ACSL1: variants seen among roughly 807,000 people sequenced by gnomAD.
ACSL1 encodes acyl-CoA synthetase long chain family member 1.
Under a neutral mutation model 98.4 loss-of-function variants are expected in ACSL1, and 41 were observed. The ratio of observed to expected loss-of-function variants is 0.42; its 90% CI spans 0.32 to 0.54. The LOEUF is 0.54. Among genes scored for constraint, ACSL1 ranks in the 20% least tolerant of loss-of-function variants. The probability of loss-of-function intolerance (pLI) is 0.13; values close to 1 mark genes in which losing one functional copy is unlikely to be tolerated. For synonymous variants in ACSL1, 316 were observed against 322.7 expected, an observed-to-expected ratio of 0.98 and a Z score of 0.22; for missense variants, 734 against 883.1, an observed-to-expected ratio of 0.83 and a Z score of 2.14.
Position 184,763,255 on chromosome 4 carries a change from C to T in ACSL1, c.1433G>A (p.Gly478Asp). The T allele has an allele frequency of 1.2e-6, 2 of 1,613,710 alleles. No individual in the cohort carries two copies. Among genetic ancestry groups the T allele is most frequent in the Non-Finnish European group, 1.7e-6 (2 of 1,179,876 alleles). The change falls in exon 16 of 21, where the codon GGC (glycine) becomes GAC (aspartate). Residue 478 changes from glycine (G) to aspartate (D), a missense_variant and splice_region_variant. Gly to Asp is a moderately conservative substitution (Grantham distance 94). Transcript: ENST00000281455. ...GCACGGCATCGGGGCCCCAACATGG[C>T]CTGTATATTAAATAAGCAAATGGTC... ...CLTMPGDWTA[G>D]HVGAPMPCNL...
intron 18 of ACSL1, among the ~76,000 whole-genome samples, chr4:184,759,491 GA>G (rs1011869108): frequency 4.0e-5 from 6 of 151,884 alleles, no homozygotes; most frequent in African/African-American, 1.5e-4. Flanking sequence ...AAATTTACAA[GA>G]AAAAAACAAC....
chr4:184,764,656 C>T (rs1343282768), intron 15 of ACSL1, among the ~76,000 whole-genome samples, 197 bp downstream of exon 15: 1 of 152,184 alleles, frequency 6.6e-6, no homozygotes, highest in Admixed American at 6.5e-5. Flanking sequence ...CCCAGCGCCA[C>T]CCCTCAGTTG....
chr4:184,774,388 GGCTCAAATATCT>G (rs1229747912), intron 7 of ACSL1, among the ~76,000 whole-genome samples: 6 of 152,256 alleles, frequency 3.9e-5, no homozygotes, highest in African/African-American at 1.2e-4. Flanking sequence ...ATTTTGGAGA[GGCTCAAATATCT>G]GCTCAAATAT....
chr4:184,766,095 G>T lies in ACSL1; in HGVS notation c.1264-109C>A. 1.0e-6 allele frequency: 1 copy of T among 969,662 alleles called. No individual in the cohort carries two copies. Among genetic ancestry groups the T allele is most frequent in the Non-Finnish European group, 1.6e-6 (1 of 636,886 alleles). The allele number at this position is 969,662 out of a possible 1,614,324, so 60.1% of individuals were successfully genotyped here. A position where few individuals can be genotyped will look rare whatever the true frequency, so the allele number is the denominator to read the frequency against. On this transcript the variant is annotated intron_variant, in intron 13 of 20. Transcript: ENST00000281455. This position sits in a 1 kb window ranked among gnomAD's most constrained non-coding sequence, Gnocchi z 4.8. Reference sequence around the variant, plus strand: ...CCCCGTTCCCTAACCCATAGCTGCAGACCACACGGAGGCCACACGGAGAAC... The same window carrying T: ...CCCCGTTCCCTAACCCATAGCTGCATACCACACGGAGGCCACACGGAGAAC...
chr4:184,804,809 A>G (rs1003977293), intron 1 of ACSL1, among the ~76,000 whole-genome samples: 1 of 152,166 alleles, frequency 6.6e-6, no homozygotes, highest in African/African-American at 2.4e-5. Context: ...GTGCTCAAAA[A>G]TATTAGATTT....
chr4:184,811,220 C>T (rs13126874), intron 1 of ACSL1, among the ~76,000 whole-genome samples: 12,840 of 152,060 alleles, frequency 0.084, 786 homozygotes, highest in Admixed American at 0.18. Context: ...GCCATTCTCC[C>T]ACCTCAGCCT....
intron 2 of ACSL1, among the ~76,000 whole-genome samples, chr4:184,802,915 C>T (rs1013114101): frequency 4.6e-5 from 7 of 152,202 alleles, no homozygotes; most frequent in African/African-American, 1.2e-4. Flanking sequence ...TTCTAAGCGT[C>T]AGATGTACCA....
chr4:184,790,375 T>TA (rs1214381565), intron 2 of ACSL1, among the ~76,000 whole-genome samples: 1 of 152,260 alleles, frequency 6.6e-6, no homozygotes, highest in Non-Finnish European at 1.5e-5. Context: ...GTCTTTTTTT[T>TA]ATGCTTATAC....
Position 184,776,327 on chromosome 4 carries a change from C to A in ACSL1, c.756+157G>T, listed in dbSNP as rs73874481. Among the ~76,000 whole-genome samples, 705 of 152,350 alleles carry A rather than the reference C, an allele frequency of 4.6e-3. 7 individuals carry two copies. The highest frequency in any genetic ancestry group is 0.016 in the African/African-American group (676 of 41,586). ...CACACATGTAGAATCCTTTTTCCAG[C>A]AATGAGACAGAAGTTTCTGCTCTCT... On this transcript the variant is annotated intron_variant, in intron 7 of 20. Transcript: ENST00000281455.
intron 1 of ACSL1, among the ~76,000 whole-genome samples, chr4:184,815,437 C>G (rs541922114): frequency 6.6e-6 from 1 of 152,196 alleles, no homozygotes; most frequent in East Asian, 1.9e-4. Flanking sequence ...TCGCCCTCAC[C>G]CAGTGGGTGT....
In ACSL1 at chr4:184,768,427, A is replaced by G. The variant is rs756195302; in HGVS notation, c.1017T>C (p.Ala339=). 1 of 1,613,916 alleles carries G rather than the reference A, an allele frequency of 6.2e-7. No individual in the cohort carries two copies. Among genetic ancestry groups the G allele is most frequent in the Non-Finnish European group, 8.5e-7 (1 of 1,179,946 alleles). Residue 339 remains alanine, a synonymous_variant, in exon 12 of 21, where the codon GCT becomes GCC. Transcript: ENST00000281455. ...VVECVMLCHG[A]KIGFFQGDIR... is the part of the protein sequence containing the mutation. ...TATCTCCTTGGAAAAATCCGATTTT[A>G]GCTCCATGACACAGCATTACACACT...
chr4:184,765,822 G>A, intron 14 of ACSL1, 69 bp downstream of exon 14: 2 of 1,350,686 alleles, frequency 1.5e-6, no homozygotes, highest in Non-Finnish European at 2.1e-6. Flanking sequence ...CAGTACAGAT[G>A]ACTTTTGGTG....
intron 2 of ACSL1, among the ~76,000 whole-genome samples, chr4:184,792,801 A>C (rs570588798): frequency 6.6e-6 from 1 of 152,330 alleles, no homozygotes; most frequent in Admixed American, 6.5e-5. Context: ...AACCTTAGTT[A>C]TATCTACACA....
intron 1 of ACSL1, chr4:184,821,271 T>G: frequency 5.6e-6 from 2 of 357,008 alleles, no homozygotes; most frequent in Non-Finnish European, 1.1e-5. Flanking sequence ...CACTTTCTCA[T>G]GACTCTGCTT....
At chr4:184,801,146 C>T (rs1428424578) in intron 2 of ACSL1, among the ~76,000 whole-genome samples, 2 of 152,214 alleles carry the variant, frequency 1.3e-5, no homozygotes, top group Middle Eastern at 3.4e-3. Flanking sequence ...TGTGCCACTG[C>T]ACCCAGCTCT....
chr4:184,798,854 C>G (rs963313440), intron 2 of ACSL1: 2 of 152,342 alleles, frequency 1.3e-5, no homozygotes, highest in Non-Finnish European at 2.9e-5. Context: ...TAACTGGGAG[C>G]AGCAGGTCTT....
At chr4:184,762,639 C>G in intron 16 of ACSL1, 116 bp from the exon 17 acceptor site, 1 of 886,696 alleles carries the variant, frequency 1.1e-6, no homozygotes, top group Admixed American at 2.0e-5. Flanking sequence ...AAGCCCTAAA[C>G]TCCAGGATGC....
rs747471252 is a variant in ACSL1 at position 184,770,343 on chromosome 4, C to T, written c.993+56G>A. On this transcript the variant is annotated intron_variant, in intron 11 of 20. Transcript: ENST00000281455. The stretch of plus-strand genomic sequence containing the variant: ...CAAGGGAAGTGCTTTCTGTAAAACA[C>T]AACAACTTAGCAGAACATACACAAA... 1.9e-6 allele frequency: 3 copies of T among 1,600,932 alleles called. No homozygotes were observed. The Admixed American group carries it at 5.1e-5, about 27-fold the overall frequency.
In ACSL1 at chr4:184,773,859, T is replaced by A. The variant is rs182440677; in HGVS notation, c.773A>T (p.Asn258Ile). 44 of 1,613,956 alleles carry A rather than the reference T, an allele frequency of 2.7e-5. No individual in the cohort carries two copies. In the Admixed American group the frequency reaches 6.2e-4, roughly 23 times the overall value. ...TGTGCTTACCTTGGGCTTCCGTCTG[T>A]TGGCTCTTCCCAGGTCCTTAATTAG... ...MKAMEDLGRA[N>I]RRKPKPPAPE... The change falls in exon 8 of 21, where the codon AAC becomes ATC. Residue 258 changes from asparagine (N) to isoleucine (I), a missense_variant. Coordinates refer to ENST00000281455, the MANE Select transcript of ACSL1 (RefSeq NM_001995.5). The surrounding 1 kb of genome is among the most constrained non-coding windows in gnomAD (Gnocchi z 4.3).
Sources: gnomAD v4.1 joint callset for allele counts (sites outside exome capture counted in the v4.1 genomes callset) on GRCh38, gnomAD v4.1.1 for gene constraint, Gnocchi (gnomAD v3.1) non-coding constraint, MANE v1.5 for transcripts, NCBI Gene and HGNC (gene_info 2026-07-23, HGNC 2026-07-21) for gene names.